The following YTHDC2 variants were observed in gnomAD, a reference collection of about 807,000 sequenced individuals.
YTHDC2 encodes YTH N6-methyladenosine RNA binding protein C2.
In YTHDC2, 45 loss-of-function variants were observed where a neutral mutation model predicts 174.9. That is an observed-to-expected ratio of 0.26 (90% CI 0.20 to 0.33). The LOEUF (loss-of-function observed/expected upper bound fraction) is 0.33. YTHDC2 is among the 10% of genes least tolerant of loss of function. The probability of loss-of-function intolerance (pLI) is 1.00; values close to 1 mark genes in which losing one functional copy is unlikely to be tolerated. For synonymous variants in YTHDC2, 657 were observed against 574.5 expected (o/e 1.14, Z -2.05); for missense variants, 1,650 against 1,723.7 (o/e 0.96, Z 0.76).
At chr5:113,581,303 T>G in intron 24 of YTHDC2, 114 bp from the exon 25 acceptor site, 2 of 959,696 alleles carry the variant, frequency 2.1e-6, no homozygotes, top group Non-Finnish European at 2.9e-6. Flanking sequence ...GTAAATTATA[T>G]GAAATGTGAA....
chr5:113,526,882 CT>C (rs1038145311), intron 4 of YTHDC2, 97 bp downstream of exon 4: 1 of 298,082 alleles, frequency 3.4e-6, no homozygotes, highest in Non-Finnish European at 5.5e-6. Context: ...CAAATTTACA[CT>C]GCATATGTTT....
intron 28 of YTHDC2, chr5:113,592,766 A>G (rs565177812): frequency 2.6e-5 from 4 of 152,636 alleles, no homozygotes; most frequent in African/African-American, 7.2e-5. Context: ...CAGGAGTACT[A>G]TGAAGTGGGA....
In YTHDC2 at chr5:113,530,700, G is replaced by C. The variant is rs540714810; in HGVS notation, c.676-2179G>C. 1.4e-3 allele frequency among the ~76,000 whole-genome samples: 220 copies of C among 152,028 alleles called. 1 individual carries two copies. Among genetic ancestry groups the C allele is most frequent in the African/African-American group, 5.1e-3 (210 of 41,450 alleles). On this transcript the variant is annotated intron_variant, in intron 4 of 29. Coordinates refer to ENST00000161863, the MANE Select transcript of YTHDC2 (RefSeq NM_022828.5). The stretch of plus-strand genomic sequence containing the variant: ...ATTTTGAACCAATTGTTATGTGTTA[G>C]ATCAATTAAGACTACAAAAAATAAA...
In YTHDC2 at chr5:113,552,440, T is replaced by C. The variant is rs377346971; in HGVS notation, c.1689-741T>C. Among the ~76,000 whole-genome samples the C allele has an allele frequency of 2.0e-5, 3 of 152,282 alleles. No homozygotes were observed. The South Asian group carries it at 6.2e-4, about 32-fold the overall frequency. On this transcript the variant is annotated intron_variant, in intron 12 of 29. Transcript: ENST00000161863. Reference sequence around the variant, plus strand: ...TGGACATTTTATATAAATGAAATCATGTGATATGTGGTTTTTGTGATTGGC... The same window carrying C: ...TGGACATTTTATATAAATGAAATCACGTGATATGTGGTTTTTGTGATTGGC...
intron 17 of YTHDC2, 79 bp from the exon 18 acceptor site, chr5:113,561,001 T>G: frequency 8.3e-7 from 1 of 1,208,386 alleles, no homozygotes. Context: ...TTTTTCTCTT[T>G]CCTAAATCAC....
chr5:113,538,127 C>T (rs555716743), intron 7 of YTHDC2, among the ~76,000 whole-genome samples: 23 of 151,530 alleles, frequency 1.5e-4, no homozygotes, highest in African/African-American at 5.1e-4. Flanking sequence ...CTGAGTTCTA[C>T]GGATTTTACC....
Position 113,591,026 on chromosome 5 carries a change from T to C in YTHDC2, c.3826-15T>C, listed in dbSNP as rs112697013. The C allele has an allele frequency of 6.1e-4, 976 of 1,609,472 alleles. 7 individuals carry two copies. The African/African-American group carries it at 9.7e-3, about 16-fold the overall frequency. On this transcript the variant is annotated splice_polypyrimidine_tract_variant and intron_variant, in intron 26 of 29. Coordinates refer to ENST00000161863, the MANE Select transcript of YTHDC2 (RefSeq NM_022828.5). Reference sequence around the variant, plus strand: ...GGTCAGGTTACCTTTCAAGAACTTATGTTTTCTTTTATAGGGCTCAAAATC... The same window carrying C: ...GGTCAGGTTACCTTTCAAGAACTTACGTTTTCTTTTATAGGGCTCAAAATC...
At chr5:113,574,074 T>G (rs942224052) in intron 23 of YTHDC2, among the ~76,000 whole-genome samples, 1 of 152,192 alleles carries the variant, frequency 6.6e-6, no homozygotes, top group Non-Finnish European at 1.5e-5. Flanking sequence ...ATCTTTGCAT[T>G]ATTTCTCACC....
chr5:113,540,835 T>C (rs3936062), intron 8 of YTHDC2, 133 bp from the exon 9 acceptor site: 414,318 of 753,584 alleles, frequency 0.55, 119,872 homozygotes, highest in African/African-American at 0.91. Flanking sequence ...TCTTAATATA[T>C]TTTTTAAAAG....
intron 26 of YTHDC2, among the ~76,000 whole-genome samples, chr5:113,585,096 G>C (rs1222300698): frequency 6.6e-6 from 1 of 151,614 alleles, no homozygotes; most frequent in African/African-American, 2.4e-5. Context: ...AAACTTTTTT[G>C]CTAAAATAAA....
intron 10 of YTHDC2, among the ~76,000 whole-genome samples, chr5:113,543,741 C>T (rs895928442): frequency 2.0e-5 from 3 of 152,196 alleles, no homozygotes; most frequent in Non-Finnish European, 4.4e-5. Context: ...CACTTGCCTC[C>T]TTGTTCACTG....
At chr5:113,569,844 G>C (rs577387170) in intron 23 of YTHDC2, among the ~76,000 whole-genome samples, 45 of 152,194 alleles carry the variant, frequency 3.0e-4, no homozygotes, top group African/African-American at 1.0e-3. Flanking sequence ...GGTTCCATAA[G>C]AATTTTGAAA....
chr5:113,562,233 C>G (rs933150338), intron 18 of YTHDC2, among the ~76,000 whole-genome samples: 3 of 139,086 alleles, frequency 2.2e-5, no homozygotes, highest in Non-Finnish European at 3.1e-5. Flanking sequence ...TTAACAAGAG[C>G]ATAAATTGCC....
chr5:113,517,255 G>T (rs924507149), intron 2 of YTHDC2, among the ~76,000 whole-genome samples: 1 of 152,142 alleles, frequency 6.6e-6, no homozygotes, highest in Non-Finnish European at 1.5e-5. Flanking sequence ...TGAGGTTACT[G>T]CAAACTTAAA....
At chr5:113,581,191 GTCTT>G in intron 24 of YTHDC2, 1 of 387,620 alleles carries the variant, frequency 2.6e-6, no homozygotes, top group South Asian at 7.2e-5. Flanking sequence ...ATTGTTTACT[GTCTT>G]TCTTATTAGA....
At chr5:113,519,964 C>T (rs1439156949) in intron 2 of YTHDC2, among the ~76,000 whole-genome samples, 1 of 152,010 alleles carries the variant, frequency 6.6e-6, no homozygotes, top group African/African-American at 2.4e-5. Flanking sequence ...TACATGTGCC[C>T]TGGTGGTTTG....
intron 12 of YTHDC2, among the ~76,000 whole-genome samples, 193 bp from the exon 13 acceptor site, chr5:113,552,988 T>C (rs1341655469): frequency 1.3e-5 from 2 of 152,088 alleles, no homozygotes; most frequent in Non-Finnish European, 2.9e-5. Flanking sequence ...AGATTGTGCT[T>C]TTCTAAAAGC....
intron 9 of YTHDC2, among the ~76,000 whole-genome samples, chr5:113,541,682 T>G (rs1028863767): frequency 1.2e-4 from 19 of 152,140 alleles, no homozygotes; most frequent in Admixed American, 9.2e-4. Flanking sequence ...TGTATCCAAA[T>G]GAACTGTACA....
chr5:113,517,574 AG>A (rs1561616245), intron 2 of YTHDC2: 2 of 456,316 alleles, frequency 4.4e-6, no homozygotes, highest in South Asian at 3.1e-5. Flanking sequence ...AGCCAGAGAA[AG>A]AAGAAAAAGG....
Sources: gnomAD v4.1 joint callset for allele counts (sites outside exome capture counted in the v4.1 genomes callset) on GRCh38, gnomAD v4.1.1 for gene constraint, MANE v1.5 for transcripts, NCBI Gene and HGNC (gene_info 2026-07-23, HGNC 2026-07-21) for gene names.